CMTR1: variants seen among roughly 807,000 people sequenced by gnomAD.
CMTR1 encodes cap-specific mRNA (nucleoside-2'-O-)-methyltransferase 1.
Under a neutral mutation model 107.0 loss-of-function variants are expected in CMTR1, and 39 were observed. The observed-to-expected ratio is 0.36, with a 90% CI of 0.28 to 0.48. The LOEUF is 0.48. Ranked by LOEUF, CMTR1 falls within the 20% of genes least tolerant of loss-of-function variation. CMTR1 has a pLI of 0.99. For synonymous variants in CMTR1, 366 were observed against 379.5 expected (o/e 0.96, Z 0.41); for missense variants, 672 against 1,064.9 (o/e 0.63, Z 5.14).
At chr6:37,463,107 C>T in intron 13 of CMTR1, 99 bp downstream of exon 13, 1 of 1,289,302 alleles carries the variant, frequency 7.8e-7, no homozygotes, top group Non-Finnish European at 1.1e-6. Flanking sequence ...ACTTTGTCAA[C>T]CCTGACAAAT....
upstream of CMTR1, among the ~76,000 whole-genome samples, chr6:37,430,802 C>A (rs1224964581): frequency 2.0e-5 from 3 of 152,110 alleles, no homozygotes; most frequent in Non-Finnish European, 4.4e-5. Context: ...ATCACGAGGT[C>A]AGGAGATCAA....
chr6:37,445,366 A>T (rs754180386), intron 3 of CMTR1, among the ~76,000 whole-genome samples: 12 of 152,076 alleles, frequency 7.9e-5, no homozygotes, highest in Non-Finnish European at 1.3e-4. Context: ...TCAAGTCTCT[A>T]ATCTTTGGGT....
chr6:37,434,897 C>T (rs1733306981), intron 1 of CMTR1, among the ~76,000 whole-genome samples: 1 of 152,202 alleles, frequency 6.6e-6, no homozygotes, highest in Non-Finnish European at 1.5e-5. Context: ...CAGGCGTGAG[C>T]CACCGCGCCC....
intron 4 of CMTR1, among the ~76,000 whole-genome samples, chr6:37,447,064 A>G (rs995397486): frequency 2.0e-5 from 3 of 152,170 alleles, no homozygotes; most frequent in Admixed American, 6.5e-5. Flanking sequence ...TTTATGTCCT[A>G]TCTTATTCCG....
intron 2 of CMTR1, among the ~76,000 whole-genome samples, chr6:37,436,135 C>T (rs1771524902): frequency 6.6e-6 from 1 of 152,164 alleles, no homozygotes; most frequent in African/African-American, 2.4e-5. Flanking sequence ...TTTGCTGCGG[C>T]CGTCGAGCCT....
chr6:37,452,713 TTGGAGAGTAGCTGC>T (rs1324371502), intron 6 of CMTR1, among the ~76,000 whole-genome samples: 1 of 152,186 alleles, frequency 6.6e-6, no homozygotes, highest in Non-Finnish European at 1.5e-5. Context: ...CTTTGATCCC[TTGGAGAGTAGCTGC>T]TGGTATGGGA....
At chr6:37,468,893 T>A (rs551336369) in intron 13 of CMTR1, among the ~76,000 whole-genome samples, 1 of 147,492 alleles carries the variant, frequency 6.8e-6, no homozygotes, top group East Asian at 2.1e-4. Flanking sequence ...AAAAAATAAA[T>A]AAATAAATAA....
chr6:37,464,328 G>C (rs900417928), intron 13 of CMTR1, among the ~76,000 whole-genome samples: 6 of 152,002 alleles, frequency 3.9e-5, no homozygotes, highest in Non-Finnish European at 7.4e-5. Context: ...TTAGCCAGGC[G>C]TGGTGGCGGG....
the CMTR1 span, among the ~76,000 whole-genome samples, chr6:37,427,220 C>T: frequency 2.8e-3 from 429 of 152,168 alleles, 1 homozygote; most frequent in Admixed American, 5.2e-3. This position sits in a 1 kb window ranked among gnomAD's most constrained non-coding sequence, Gnocchi z 4.4. Flanking sequence ...TCCGGAGTCC[C>T]ATAATAGTTA....
intron 8 of CMTR1, among the ~76,000 whole-genome samples, chr6:37,456,278 C>T (rs1183797806): frequency 1.3e-5 from 2 of 152,148 alleles, no homozygotes; most frequent in African/African-American, 4.8e-5. Flanking sequence ...TGGCAAATAC[C>T]ATTAGGTCTT....
At position 37,478,478 on chromosome 6, in the gene CMTR1, G is replaced by A. The variant is rs371966953; in HGVS notation, c.2223G>A (p.Arg741=). Residue 741 remains arginine (R), a synonymous_variant, in exon 22 of 24, where the codon CGG becomes CGA. Transcript: ENST00000373451. ...PKLSYTGRDD[R]HFVPMGLYIV... ...TCAGCTACACAGGGCGTGATGACCGGCACTTTGTACCCATGGGCCTCTACA... is the reference window on the plus strand; with the variant it reads ...TCAGCTACACAGGGCGTGATGACCGACACTTTGTACCCATGGGCCTCTACA... 9.9e-6 allele frequency: 16 copies of A among 1,613,984 alleles called. No homozygotes were observed. The highest frequency in any genetic ancestry group is 1.2e-5 in the Non-Finnish European group (14 of 1,180,000).
chr6:37,475,478 C>A (rs1224629342), intron 19 of CMTR1, 66 bp downstream of exon 19: 2 of 1,394,920 alleles, frequency 1.4e-6, no homozygotes, highest in Non-Finnish European at 2.0e-6. Context: ...GGACAGCGGC[C>A]TCCCGAGGTG....
At position 37,480,070 on chromosome 6, in the gene CMTR1, C is replaced by G; in HGVS notation, c.2433C>G (p.Asp811Glu). Reference protein sequence around the residue: ...WEWGDGIRVHDSQKPQDQDKL... With the variant: ...WEWGDGIRVHESQKPQDQDKL... ...GGGGGGATGGCATTCGTGTGCATGA[C>G]TCCCAGAAGCCCCAGGACCAGGACA... The change falls in exon 24 of 24, where the codon GAC becomes GAG. Residue 811 changes from aspartate (D) to glutamate (E), a missense_variant. Physicochemically the swap from Asp to Glu is conservative, Grantham distance 45. Coordinates refer to ENST00000373451, the MANE Select transcript of CMTR1 (RefSeq NM_015050.3). 2 of 1,585,646 alleles carry G rather than the reference C, an allele frequency of 1.3e-6. No individual in the cohort carries two copies. The highest frequency in any genetic ancestry group is 1.7e-6 in the Non-Finnish European group (2 of 1,169,794).
chr6:37,428,928 A>G (rs1246101237), upstream of CMTR1, among the ~76,000 whole-genome samples: 2 of 152,218 alleles, frequency 1.3e-5, no homozygotes, highest in Non-Finnish European at 2.9e-5. Flanking sequence ...TTGAGTCTGT[A>G]AATTCATGCC....
In CMTR1 at chr6:37,472,488, G is replaced by A; in HGVS notation, c.1689+1G>A. 6.2e-7 allele frequency: 1 copy of A among 1,613,922 alleles called. No individual in the cohort carries two copies. The highest frequency in any genetic ancestry group is 8.5e-7 in the Non-Finnish European group (1 of 1,179,792). On this transcript the variant is annotated splice_donor_variant, in intron 16 of 23. Transcript: ENST00000373451. LOFTEE classifies it high-confidence loss of function. This position sits in a 1 kb window ranked among gnomAD's most constrained non-coding sequence, Gnocchi z 4.1. ...ATCGAAGTTCTTTGAGCTAATCCAG[G>A]TAAGACTGGTATCTGTGGTGGACAT...
chr6:37,431,940 T>A (rs142680425), upstream of CMTR1, among the ~76,000 whole-genome samples: 1 of 152,294 alleles, frequency 6.6e-6, no homozygotes, highest in African/African-American at 2.4e-5. Context: ...CTTACCCTAC[T>A]GAGTAGCTGG....
At chr6:37,466,727 T>C (rs1761518789) in intron 13 of CMTR1, among the ~76,000 whole-genome samples, 1 of 152,204 alleles carries the variant, frequency 6.6e-6, no homozygotes, top group Non-Finnish European at 1.5e-5. Flanking sequence ...AATTAGAAAG[T>C]GTGAGTTCTC....
At chr6:37,470,222 C>G (rs929581131) in intron 13 of CMTR1, among the ~76,000 whole-genome samples, 4 of 151,742 alleles carry the variant, frequency 2.6e-5, no homozygotes, top group Non-Finnish European at 5.9e-5. Context: ...TCTCGGCTCA[C>G]TGCAAGCTCC....
chr6:37,448,910 G>A (rs1294022724), intron 4 of CMTR1, among the ~76,000 whole-genome samples: 5 of 152,114 alleles, frequency 3.3e-5, no homozygotes, highest in Admixed American at 3.3e-4. Flanking sequence ...CTTATATTCT[G>A]GAGATGGGTC....
Sources: gnomAD v4.1 joint callset for allele counts (sites outside exome capture counted in the v4.1 genomes callset) on GRCh38, gnomAD v4.1.1 for gene constraint, Gnocchi (gnomAD v3.1) non-coding constraint, MANE v1.5 for transcripts, NCBI Gene and HGNC (gene_info 2026-07-23, HGNC 2026-07-21) for gene names.